The following C3orf20 variants were observed in gnomAD, a reference collection of about 807,000 sequenced individuals.
The protein encoded by C3orf20 is uncharacterized protein C3orf20.
A neutral mutation model predicts 88.3 loss-of-function variants in C3orf20; 76 were observed. The ratio of observed to expected loss-of-function variants is 0.86; its 90% confidence interval spans 0.72 to 1.04. The LOEUF (loss-of-function observed/expected upper bound fraction) is 1.04, where lower values mean the gene tolerates loss of function less well. Ranked by LOEUF, C3orf20 falls within the 50% of genes least tolerant of loss-of-function variation. The pLI, the probability that C3orf20 is intolerant of heterozygous loss-of-function variation, is 0.00. For synonymous variants in C3orf20, 436 were observed against 437.4 expected (o/e 1.00, Z 0.04); for missense variants, 1,056 against 1,123.3 (o/e 0.94, Z 0.86).
intron 11 of C3orf20, among the ~76,000 whole-genome samples, chr3:14,728,180 G>A (rs56126912): frequency 0.039 from 5,976 of 152,254 alleles, 299 homozygotes; most frequent in African/African-American, 0.11. Flanking sequence ...AATGGAACAG[G>A]CCCTAGGTGT....
chr3:14,737,252 C>G (rs1252552128), intron 12 of C3orf20, among the ~76,000 whole-genome samples: 2 of 151,652 alleles, frequency 1.3e-5, no homozygotes, highest in Non-Finnish European at 2.9e-5. Flanking sequence ...CCCTCCCTTC[C>G]TCCTTTACCT....
Position 14,741,982 on chromosome 3 carries a change from G to C in C3orf20, c.1940+13294G>C, listed in dbSNP as rs578126475. 2.0e-5 allele frequency among the ~76,000 whole-genome samples: 3 copies of C among 152,260 alleles called. No homozygotes were observed. The East Asian group carries it at 5.8e-4, about 29-fold the overall frequency. ...GGTAAACTGACATGGCTCGCTGGTG[G>C]GCATGTCTGATGGAAAGCTGCTTCT... On this transcript the variant is annotated intron_variant, in intron 12 of 16. Transcript: ENST00000253697.
intron 9 of C3orf20, 56 bp from the exon 10 acceptor site, chr3:14,721,597 G>A (rs2124975128): frequency 6.3e-7 from 1 of 1,599,158 alleles, no homozygotes; most frequent in East Asian, 2.2e-5. Context: ...GGTCAGGAAG[G>A]GGTGGCTGGG....
rs186405280 is a variant in C3orf20 at position 14,726,973 on chromosome 3, C to T, written c.1639C>T (p.Arg547Trp). 2.0e-5 allele frequency: 32 copies of T among 1,614,118 alleles called. No individual in the cohort carries two copies. In the Admixed American group the frequency reaches 2.2e-4, roughly 11 times the overall value. Reference protein sequence around the residue: ...MSRALAEIKKRFQKTVTQFIN... With the variant: ...MSRALAEIKKWFQKTVTQFIN... The stretch of plus-strand genomic sequence containing the variant: ...CCGAGCCCTGGCTGAGATCAAGAAG[C>T]GGTTTCAGAAGACAGTGACTCAGTT... The change falls in exon 11 of 17, where the codon CGG (arginine) becomes TGG (tryptophan). Residue 547 changes from arginine to tryptophan, a missense_variant. Coordinates refer to ENST00000253697, the MANE Select transcript of C3orf20 (RefSeq NM_032137.5).
At chr3:14,726,539 C>G (rs1315424929) in intron 10 of C3orf20, among the ~76,000 whole-genome samples, 1 of 152,258 alleles carries the variant, frequency 6.6e-6, no homozygotes, top group African/African-American at 2.4e-5. Flanking sequence ...GAGACCAAGA[C>G]TCGGTCCCTT....
intron 5 of C3orf20, among the ~76,000 whole-genome samples, chr3:14,692,415 C>T (rs553501402): frequency 2.4e-4 from 36 of 152,280 alleles, no homozygotes; most frequent in African/African-American, 8.4e-4. Flanking sequence ...TTTGTTGTTG[C>T]CTGTCTTTTG....
At chr3:14,686,740 A>G (rs911356558) in intron 4 of C3orf20, among the ~76,000 whole-genome samples, 2 of 152,186 alleles carry the variant, frequency 1.3e-5, no homozygotes, top group Admixed American at 1.3e-4. Flanking sequence ...TTCATTTTGA[A>G]TGCCTGAAAG....
intron 7 of C3orf20, among the ~76,000 whole-genome samples, chr3:14,706,431 A>C (rs2124942106): frequency 6.7e-6 from 1 of 149,522 alleles, no homozygotes; most frequent in East Asian, 2.0e-4. Context: ...TTAGTCTTCT[A>C]TCAGGGGCAT....
intron 5 of C3orf20, among the ~76,000 whole-genome samples, chr3:14,702,290 C>T (rs554432172): frequency 1.7e-4 from 26 of 152,062 alleles, no homozygotes; most frequent in African/African-American, 2.7e-4. Context: ...CGGGAAAGAC[C>T]GGCCCCATGA....
intron 4 of C3orf20, among the ~76,000 whole-genome samples, chr3:14,687,716 T>C (rs1169250243): frequency 6.6e-6 from 1 of 152,148 alleles, no homozygotes; most frequent in African/African-American, 2.4e-5. Flanking sequence ...AGGAAAATGG[T>C]CCTCACCACT....
chr3:14,771,169 C>G (rs1046704117), intron 15 of C3orf20, among the ~76,000 whole-genome samples: 1 of 152,226 alleles, frequency 6.6e-6, no homozygotes, highest in African/African-American at 2.4e-5. Flanking sequence ...GCCCCTTTCC[C>G]TGTGTGAAGT....
chr3:14,746,804 C>T (rs918890615), intron 12 of C3orf20, among the ~76,000 whole-genome samples: 2 of 152,220 alleles, frequency 1.3e-5, no homozygotes, highest in Non-Finnish European at 2.9e-5. Flanking sequence ...GCAATCATCT[C>T]AAAATGTTGA....
chr3:14,703,047 T>C, intron 5 of C3orf20, 83 bp from the exon 6 acceptor site: 2 of 1,500,332 alleles, frequency 1.3e-6, no homozygotes, highest in East Asian at 2.3e-5. Flanking sequence ...TGACTCCAGG[T>C]CTCACATCCA....
At chr3:14,740,416 T>C (rs2034867502) in intron 12 of C3orf20, among the ~76,000 whole-genome samples, 2 of 152,100 alleles carry the variant, frequency 1.3e-5, no homozygotes, top group African/African-American at 4.8e-5. Context: ...CCCCAAACAA[T>C]TACAATAGTA....
At chr3:14,690,253 C>G (rs2032658361) in intron 5 of C3orf20, 137 bp downstream of exon 5, 1 of 1,221,824 alleles carries the variant, frequency 8.2e-7, no homozygotes, top group Non-Finnish European at 1.1e-6. Context: ...GCGGCTCTGC[C>G]TGGAGATCCA....
chr3:14,707,764 T>C (rs1479271050), intron 7 of C3orf20, among the ~76,000 whole-genome samples: 1 of 151,480 alleles, frequency 6.6e-6, no homozygotes, highest in African/African-American at 2.4e-5. Context: ...TTTGGCTTTA[T>C]GTCTAAAAAA....
rs553962517 is a variant in C3orf20 at position 14,697,823 on chromosome 3, C to G, written c.746-5307C>G. On this transcript the variant is annotated intron_variant, in intron 5 of 16. Transcript: ENST00000253697. Reference sequence around the variant, plus strand: ...AACATGCAGTGTTTGGTTTTCTGTCCTTGTGATAGTTTGCTGAGAATGATG... The same window carrying G: ...AACATGCAGTGTTTGGTTTTCTGTCGTTGTGATAGTTTGCTGAGAATGATG... Among the ~76,000 whole-genome samples, 25 of 151,076 alleles carry G rather than the reference C, an allele frequency of 1.7e-4. No individual in the cohort carries two copies. The East Asian group carries it at 4.9e-3, about 30-fold the overall frequency.
At chr3:14,715,258 T>C (rs1388021257) in intron 8 of C3orf20, 31 bp from the exon 9 acceptor site, 3 of 1,602,964 alleles carry the variant, frequency 1.9e-6, no homozygotes, top group Non-Finnish European at 2.6e-6. Flanking sequence ...AGGGGCCCGG[T>C]GGCAGCTACT....
At chr3:14,696,677 T>A (rs2033017957) in intron 5 of C3orf20, among the ~76,000 whole-genome samples, 1 of 151,870 alleles carries the variant, frequency 6.6e-6, no homozygotes, top group South Asian at 2.1e-4. Context: ...CATGCTGACC[T>A]GTAGCTATTA....
Sources: allele counts gnomAD v4.1 joint callset (sites outside exome capture counted in the v4.1 genomes callset), GRCh38; gene constraint gnomAD v4.1.1; transcripts MANE v1.5; gene names NCBI Gene and HGNC (gene_info 2026-07-23, HGNC 2026-07-21).